Variants in ZFYVE1 observed in about 807,000 individuals in gnomAD.
ZFYVE1 encodes the protein zinc finger FYVE domain-containing protein 1.
In ZFYVE1, 30 loss-of-function variants were observed where a neutral mutation model predicts 74.4. The observed-to-expected ratio is 0.40, with a 90% CI of 0.30 to 0.55. The LOEUF (loss-of-function observed/expected upper bound fraction) is 0.55. Among genes scored for constraint, ZFYVE1 ranks in the 20% least tolerant of loss-of-function variants. The pLI is 0.42. For synonymous variants in ZFYVE1, 335 were observed against 385.1 expected (o/e 0.87, Z 1.52); for missense variants, 703 against 1,011.6 (o/e 0.69, Z 4.14).
chr14:73,005,020 A>G (rs966498131), intron 2 of ZFYVE1, among the ~76,000 whole-genome samples: 15 of 151,806 alleles, frequency 9.9e-5, no homozygotes, highest in African/African-American at 3.4e-4. Context: ...GGAGGCTATA[A>G]CCATCTTTGC....
rs58858186 is a variant in ZFYVE1 at position 72,978,566 on chromosome 14, C to CAAAAAAA, written c.1419+288_1419+294dup. Among the ~76,000 whole-genome samples, 82 of 50,960 alleles carry CAAAAAAA rather than the reference C, an allele frequency of 1.6e-3. 3 individuals carry two copies. The highest frequency in any genetic ancestry group is 2.8e-3 in the East Asian group (4 of 1,412). The allele number at this position is 50,960 out of a possible 152,430, so 33.4% of individuals were successfully genotyped here. Reference sequence around the variant, plus strand: ...TGGCTGACAGAGCAAGACTCTGTCTCAAAAAAAAAAAAAAAAAAAAAAAAA... The same window carrying CAAAAAAA: ...TGGCTGACAGAGCAAGACTCTGTCTCAAAAAAAAAAAAAAAAAAAAAAAAAAAAAAAA... On this transcript the variant is annotated intron_variant, in intron 6 of 11. Transcript: ENST00000556143.
chr14:72,986,910 T>C, intron 4 of ZFYVE1: 4 of 985,388 alleles, frequency 4.1e-6, no homozygotes, highest in Non-Finnish European at 4.8e-6. Context: ...ATTCCACAGT[T>C]TCTTGGGTTC....
chr14:72,985,951 A>G (rs933554595), intron 4 of ZFYVE1, among the ~76,000 whole-genome samples: 30 of 152,136 alleles, frequency 2.0e-4, no homozygotes, highest in African/African-American at 6.8e-4. Flanking sequence ...TTTCTTTTAA[A>G]CAGGTAACTG....
chr14:72,981,970 C>A, intron 4 of ZFYVE1, 75 bp from the exon 5 acceptor site: 1 of 1,272,206 alleles, frequency 7.9e-7, no homozygotes, highest in South Asian at 1.2e-5. Flanking sequence ...CTGCAGGCAC[C>A]GTACAAGCAA....
At chr14:72,986,756 C>T in intron 4 of ZFYVE1, 1 of 402,420 alleles carries the variant, frequency 2.5e-6, no homozygotes, top group Non-Finnish European at 3.4e-6. Flanking sequence ...TCTCAAACTC[C>T]TGACCTCAAG....
At chr14:72,991,772 G>A (rs1893618350) in intron 4 of ZFYVE1, among the ~76,000 whole-genome samples, 1 of 152,100 alleles carries the variant, frequency 6.6e-6, no homozygotes, top group Admixed American at 6.6e-5. Flanking sequence ...TTATTCAAAT[G>A]TAATCATTTT....
chr14:72,971,042 C>T lies in ZFYVE1; in HGVS notation c.2174G>A (p.Arg725Gln), dbSNP rs375615188. The change falls in exon 12 of 12, where the codon CGG becomes CAG. Residue 725 changes from arginine to glutamine, a missense_variant. This residue lies in a region of ZFYVE1 where 492 missense variants were observed against 790.0 expected (regional missense o/e 0.62). Coordinates refer to ENST00000556143, the MANE Select transcript of ZFYVE1 (RefSeq NM_021260.4). ...GGAGAGCTTGATGCTGAACTCCTTC[C>T]GGCAGTTGTGGCAGTGGAGGATTTC... is the stretch of plus-strand genomic sequence containing the variant. ...DHEILHCHNC[R>Q]KEFSIKLSKH... The T allele has an allele frequency of 8.1e-6, 13 of 1,614,060 alleles. No homozygotes were observed. Among genetic ancestry groups the T allele is most frequent in the Middle Eastern group, 1.6e-4 (1 of 6,084 alleles).
chr14:72,982,683 C>G (rs2140351918), intron 4 of ZFYVE1, among the ~76,000 whole-genome samples: 2 of 152,292 alleles, frequency 1.3e-5, no homozygotes, highest in Admixed American at 1.3e-4. Context: ...AACTTTCAGT[C>G]CAGCCCCAGT....
intron 4 of ZFYVE1, among the ~76,000 whole-genome samples, chr14:72,983,653 A>C (rs1189423132): frequency 6.6e-6 from 1 of 152,132 alleles, no homozygotes. Context: ...ATAGTGCCGC[A>C]ATAAACATAC....
In ZFYVE1 at chr14:72,975,651, T is replaced by G; in HGVS notation, c.1706A>C (p.Gln569Pro). 1 of 1,614,206 alleles carries G rather than the reference T, an allele frequency of 6.2e-7. No homozygotes were observed. Among genetic ancestry groups the G allele is most frequent in the Non-Finnish European group, 8.5e-7 (1 of 1,180,038 alleles). ...RLLDGMNFMAQSVSELSLGPT... is the reference protein window; with the variant it reads ...RLLDGMNFMAPSVSELSLGPT... ...TCCAAGGCTAAGCTCGGACACCGAC[T>G]GAGCCATGAAGTTCATCCCGTCCAA... The change falls in exon 9 of 12, where the codon CAG becomes CCG. Residue 569 changes from glutamine (Q) to proline (P), a missense_variant. Transcript: ENST00000556143. This position sits in a 1 kb window ranked among gnomAD's most constrained non-coding sequence, Gnocchi z 4.1.
Position 72,970,708 on chromosome 14 carries a change from C to T in ZFYVE1, c.*174G>A, listed in dbSNP as rs546665047. 1.5e-4 allele frequency: 104 copies of T among 685,342 alleles called. No individual in the cohort carries two copies. Among genetic ancestry groups the T allele is most frequent in the Non-Finnish European group, 2.4e-4 (96 of 405,830 alleles). The allele number at this position is 685,342 out of a possible 1,614,324, so 42.5% of individuals were successfully genotyped here. ...TGCAAGGTCCCCTGCCCTGAGGGGT[C>T]CACACCTTCGGGCCTGCCGCCAGGC... is the stretch of plus-strand genomic sequence containing the variant. On this transcript the variant is annotated 3_prime_UTR_variant, in exon 12 of 12. Transcript: ENST00000556143.
chr14:73,002,700 A>G (rs971023772), intron 2 of ZFYVE1, among the ~76,000 whole-genome samples: 1 of 151,282 alleles, frequency 6.6e-6, no homozygotes, highest in African/African-American at 2.4e-5. Context: ...CTTCACATCA[A>G]GTATCTTCCA....
intron 2 of ZFYVE1, among the ~76,000 whole-genome samples, chr14:73,016,604 A>G (rs938193705): frequency 6.6e-6 from 1 of 152,002 alleles, no homozygotes; most frequent in Non-Finnish European, 1.5e-5. Context: ...GAATACGGCC[A>G]GATGCAGTGG....
chr14:72,977,196 T>C (rs969716876), intron 8 of ZFYVE1, among the ~76,000 whole-genome samples: 2 of 152,116 alleles, frequency 1.3e-5, no homozygotes, highest in African/African-American at 4.8e-5. Context: ...TCACCTGAGG[T>C]CGGGAGTTTG....
chr14:73,012,609 G>A (rs1004394349), intron 2 of ZFYVE1, among the ~76,000 whole-genome samples: 1 of 151,966 alleles, frequency 6.6e-6, no homozygotes, highest in Non-Finnish European at 1.5e-5. Flanking sequence ...GCAACAGAGG[G>A]AGATTTCGTC....
Position 72,974,841 on chromosome 14 carries a change from C to A in ZFYVE1, c.1925G>T (p.Gly642Val). Reference sequence around the variant, plus strand: ...GACCCGCACTGGCGCAGGGCCCCAGCCCCGCTCAGGCACTGGCCGAGTCTT... The same window carrying A: ...GACCCGCACTGGCGCAGGGCCCCAGACCCGCTCAGGCACTGGCCGAGTCTT... ...SSKTRPVPERGWGPAPVRVCD... is the reference protein window; with the variant it reads ...SSKTRPVPERVWGPAPVRVCD... Residue 642 changes from glycine (G) to valine (V), a missense_variant, in exon 10 of 12, where the codon GGC becomes GTC. Gly to Val is a moderately radical substitution (Grantham distance 109). Transcript: ENST00000556143. 6.2e-7 allele frequency: 1 copy of A among 1,613,864 alleles called. No individual in the cohort carries two copies. The highest frequency in any genetic ancestry group is 8.5e-7 in the Non-Finnish European group (1 of 1,179,830).
chr14:73,015,390 AAG>A (rs1491259852), intron 2 of ZFYVE1, among the ~76,000 whole-genome samples: 6 of 3,636 alleles, frequency 1.7e-3, no homozygotes, highest in African/African-American at 4.2e-3. Flanking sequence ...GGGGGGAAGG[AAG>A]AGGGGAAGGA....
Position 73,024,374 on chromosome 14 carries a change from G to C in ZFYVE1, c.135C>G (p.Cys45Trp). 3.1e-6 allele frequency: 5 copies of C among 1,614,096 alleles called. No homozygotes were observed. Among genetic ancestry groups the C allele is most frequent in the Non-Finnish European group, 4.2e-6 (5 of 1,180,034 alleles). ...GCTCCTGCCGATGGAGCTCCTCCTC[G>C]CAGCGGAGACACTGCAGACTGCAGC... ...DECCSLQCLR[C>W]EEELHRQERL... The change falls in exon 2 of 12, where the codon TGC (cysteine) becomes TGG (tryptophan). Residue 45 changes from cysteine to tryptophan, a missense_variant. Around this residue, in one of 2 missense-constraint regions of ZFYVE1, gnomAD observed 211 missense variants for 221.7 expected, o/e 0.95. Coordinates refer to ENST00000556143, the MANE Select transcript of ZFYVE1 (RefSeq NM_021260.4).
intron 2 of ZFYVE1, among the ~76,000 whole-genome samples, chr14:73,005,937 T>A (rs576321442): frequency 2.6e-5 from 4 of 152,160 alleles, no homozygotes; most frequent in South Asian, 2.1e-4. Context: ...TTTTTTTTTT[T>A]ATGAGACGGA....
Sources: gnomAD v4.1 joint callset for allele counts (sites outside exome capture counted in the v4.1 genomes callset) on GRCh38, gnomAD v4.1.1 for gene constraint, gnomAD v4.1.1 regional missense constraint, Gnocchi (gnomAD v3.1) non-coding constraint, MANE v1.5 for transcripts, NCBI Gene and HGNC (gene_info 2026-07-23, HGNC 2026-07-21) for gene names.